Variants in NFE2L3 observed in about 807,000 individuals in gnomAD.
NFE2L3 encodes NFE2 like bZIP transcription factor 3.
Under a neutral mutation model 23.5 loss-of-function variants are expected in NFE2L3, and 18 were observed. That is an observed-to-expected ratio of 0.77 (90% CI 0.53 to 1.13). The LOEUF (loss-of-function observed/expected upper bound fraction) is 1.13. Among genes scored for constraint, NFE2L3 ranks in the 50% most tolerant of loss-of-function variants. The pLI, the probability that NFE2L3 is intolerant of heterozygous loss-of-function variation, is 0.00. For synonymous variants in NFE2L3, 424 were observed against 354.5 expected, an observed-to-expected ratio of 1.20 and a Z score of -2.20; for missense variants, 1,152 against 877.2, an observed-to-expected ratio of 1.31 and a Z score of -3.96.
rs146681213 is a variant in NFE2L3 at position 26,185,523 on chromosome 7, G to T, written c.1825G>T (p.Asp609Tyr). Residue 609 changes from aspartate to tyrosine, a missense_variant, in exon 4 of 4, where the codon GAT becomes TAT. Transcript: ENST00000056233. ...GGACATAATTTTGAATTTAGAAGAT[G>T]ATGTATGTAACTTGCAAGCAAAGAA... ...KLDIILNLED[D>Y]VCNLQAKKET... 6.2e-7 allele frequency: 1 copy of T among 1,613,908 alleles called. No individual in the cohort carries two copies. Among genetic ancestry groups the T allele is most frequent in the East Asian group, 2.2e-5 (1 of 44,876 alleles).
At chr7:26,157,130 A>C (rs1784093908) in intron 1 of NFE2L3, among the ~76,000 whole-genome samples, 1 of 152,120 alleles carries the variant, frequency 6.6e-6, no homozygotes, top group African/African-American at 2.4e-5. Flanking sequence ...AAAAAAGAAA[A>C]GAAACTGTTG....
Position 26,184,904 on chromosome 7 carries a change from C to G in NFE2L3, c.1206C>G (p.Asn402Lys), listed in dbSNP as rs377093268. The G allele has an allele frequency of 1.9e-6, 3 of 1,613,936 alleles. No individual in the cohort carries two copies. Among genetic ancestry groups the G allele is most frequent in the African/African-American group, 1.3e-5 (1 of 75,046 alleles). ...TAATGTCATTGGCCACAGAAGACAA[C>G]TTTGATCCAATCGATGTTTCTCAGC... ...INLMSLATEDNFDPIDVSQLF... is the reference protein window; with the variant it reads ...INLMSLATEDKFDPIDVSQLF... Residue 402 changes from asparagine to lysine, a missense_variant, in exon 4 of 4, where the codon AAC becomes AAG. Coordinates refer to ENST00000056233, the MANE Select transcript of NFE2L3 (RefSeq NM_004289.7).
chr7:26,162,819 C>T (rs1161258089), intron 1 of NFE2L3, among the ~76,000 whole-genome samples: 1 of 151,632 alleles, frequency 6.6e-6, no homozygotes, highest in Non-Finnish European at 1.5e-5. Flanking sequence ...CTCAGGTGAT[C>T]CTCCCACCTC....
intron 1 of NFE2L3, among the ~76,000 whole-genome samples, chr7:26,170,331 C>CTT (rs1433107011): frequency 6.6e-6 from 1 of 152,194 alleles, no homozygotes; most frequent in Non-Finnish European, 1.5e-5. Flanking sequence ...GGCAGGCACT[C>CTT]TAACATTTCG....
At chr7:26,159,949 CTTTTTTTT>C (rs59484170) in intron 1 of NFE2L3, among the ~76,000 whole-genome samples, 1 of 118,476 alleles carries the variant, frequency 8.4e-6, no homozygotes, top group Non-Finnish European at 1.8e-5. Flanking sequence ...AATCTTGTTG[CTTTTTTTT>C]TTTTTTTTTT....
In NFE2L3 at chr7:26,152,312, C is replaced by G. The variant is rs1480425295; in HGVS notation, c.-187C>G. ...CGGTGCCAGGCACGGTGCCGGCTGC[C>G]GAGGGAACGCCTTTGTGCCCGGTGC... On this transcript the variant is annotated 5_prime_UTR_variant, in exon 1 of 4. Coordinates refer to ENST00000056233, the MANE Select transcript of NFE2L3 (RefSeq NM_004289.7). This position sits in a 1 kb window ranked among gnomAD's most constrained non-coding sequence, Gnocchi z 4.4. The G allele has an allele frequency of 1.0e-5, 3 of 296,004 alleles. No homozygotes were observed. The highest frequency in any genetic ancestry group is 1.8e-5 in the Non-Finnish European group (3 of 168,208). 18.3% of individuals were successfully genotyped at this position (296,004 alleles called of 1,614,324 possible).
In NFE2L3 at chr7:26,181,341, G is replaced by GCTTTTAAAGCACCTA. The variant is rs1784505007; in HGVS notation, c.751-2350_751-2349insACCTACTTTTAAAGC. On this transcript the variant is annotated intron_variant, in intron 2 of 3. Coordinates refer to ENST00000056233, the MANE Select transcript of NFE2L3 (RefSeq NM_004289.7). ...TTTATTGGGCTATTACTTAGTAGGT[G>GCTTTTAAAGCACCTA]CTTTTAAAGCTTGTTGAAATAAAAC... Among the ~76,000 whole-genome samples, 3 of 152,222 alleles carry GCTTTTAAAGCACCTA rather than the reference G, an allele frequency of 2.0e-5. No individual in the cohort carries two copies. The South Asian group carries it at 6.2e-4, about 32-fold the overall frequency.
At chr7:26,163,390 A>C (rs1303056890) in intron 1 of NFE2L3, among the ~76,000 whole-genome samples, 1 of 152,184 alleles carries the variant, frequency 6.6e-6, no homozygotes, top group East Asian at 1.9e-4. Flanking sequence ...CTTGTTGCCC[A>C]GGCTGGGGTG....
chr7:26,156,875 G>T (rs570911878), intron 1 of NFE2L3, among the ~76,000 whole-genome samples: 11 of 151,988 alleles, frequency 7.2e-5, no homozygotes, highest in Admixed American at 2.0e-4. Context: ...CACTTTGGGA[G>T]GCCGAGGCAG....
rs1272708516 is a variant in NFE2L3 at position 26,166,746 on chromosome 7, A to G, written c.571-11197A>G. ...ACACAGTCTCTCTTTATCTGGCTCCATGTTTCTCTCTAGCCCTGATGACTC... is the reference window on the plus strand; with the variant it reads ...ACACAGTCTCTCTTTATCTGGCTCCGTGTTTCTCTCTAGCCCTGATGACTC... On this transcript the variant is annotated intron_variant, in intron 1 of 3. Coordinates refer to ENST00000056233, the MANE Select transcript of NFE2L3 (RefSeq NM_004289.7). Among the ~76,000 whole-genome samples, 5 of 152,204 alleles carry G rather than the reference A, an allele frequency of 3.3e-5. No homozygotes were observed. In the East Asian group the frequency reaches 9.6e-4, roughly 29 times the overall value.
intron 1 of NFE2L3, among the ~76,000 whole-genome samples, chr7:26,160,494 A>G (rs1784151138): frequency 6.6e-6 from 1 of 152,358 alleles, no homozygotes; most frequent in Non-Finnish European, 1.5e-5. Context: ...ACATATACAC[A>G]CAGATTTATT....
chr7:26,157,953 T>G (rs1784107990), intron 1 of NFE2L3, among the ~76,000 whole-genome samples: 1 of 152,252 alleles, frequency 6.6e-6, no homozygotes, highest in African/African-American at 2.4e-5. Context: ...TTCTTCTCCA[T>G]CACCTGAGCT....
chr7:26,183,849 T>TA, intron 3 of NFE2L3, 65 bp downstream of exon 3: 2 of 1,009,562 alleles, frequency 2.0e-6, no homozygotes, highest in Non-Finnish European at 1.6e-6. Context: ...GGTGAACAAA[T>TA]ACAACTCCTT....
chr7:26,157,066 C>A (rs948342761), intron 1 of NFE2L3, among the ~76,000 whole-genome samples: 2 of 151,752 alleles, frequency 1.3e-5, no homozygotes, highest in African/African-American at 2.4e-5. Flanking sequence ...GAGCCGAGAT[C>A]GCTCTACTGC....
rs1782488431 is a variant in NFE2L3 at position 26,186,390 on chromosome 7, C to T, written c.*607C>T. On this transcript the variant is annotated 3_prime_UTR_variant, in exon 4 of 4. Coordinates refer to ENST00000056233, the MANE Select transcript of NFE2L3 (RefSeq NM_004289.7). ...GAATATAGGTGAATAACAAATAAGG[C>T]AGCATAGCAAACTGCTCAGACTCAA... 6.6e-6 allele frequency: 1 copy of T among 152,148 alleles called. No individual in the cohort carries two copies. Among genetic ancestry groups the T allele is most frequent in the Admixed American group, 6.6e-5 (1 of 15,252 alleles). The allele number at this position is 152,148 out of a possible 1,614,324, so 9.4% of individuals were successfully genotyped here.
Position 26,178,098 on chromosome 7 carries a change from A to G in NFE2L3, c.726A>G (p.Glu242=). The change falls in exon 2 of 4, where the codon GAA becomes GAG. Residue 242 remains glutamate (E), a synonymous_variant. Coordinates refer to ENST00000056233, the MANE Select transcript of NFE2L3 (RefSeq NM_004289.7). ...KIAEKPDWEA[E]KTTESRNERH... ...CAGAGAAACCTGACTGGGAGGCAGAAAAGACCACTGAATCTAGAAATGAGG... is the reference window on the plus strand; with the variant it reads ...CAGAGAAACCTGACTGGGAGGCAGAGAAGACCACTGAATCTAGAAATGAGG... 6.2e-7 allele frequency: 1 copy of G among 1,613,788 alleles called. No individual in the cohort carries two copies. The highest frequency in any genetic ancestry group is 1.1e-5 in the South Asian group (1 of 90,942).
intron 1 of NFE2L3, among the ~76,000 whole-genome samples, chr7:26,169,927 G>A (rs374559222): frequency 3.3e-5 from 5 of 150,258 alleles, no homozygotes; most frequent in South Asian, 2.2e-4. Flanking sequence ...GCGAGACCCC[G>A]TCTCTACCAA....
At chr7:26,182,154 G>A (rs1430730783) in intron 2 of NFE2L3, among the ~76,000 whole-genome samples, 2 of 152,152 alleles carry the variant, frequency 1.3e-5, no homozygotes, top group South Asian at 2.1e-4. Flanking sequence ...GAAACAGAAC[G>A]TCAAGAACTA....
chr7:26,173,130 AT>A lies in NFE2L3; in HGVS notation c.571-4809del, dbSNP rs1344813836. Among the ~76,000 whole-genome samples the A allele has an allele frequency of 2.0e-5, 3 of 152,046 alleles. No individual in the cohort carries two copies. The South Asian group carries it at 6.2e-4, about 32-fold the overall frequency. On this transcript the variant is annotated intron_variant, in intron 1 of 3. Coordinates refer to ENST00000056233, the MANE Select transcript of NFE2L3 (RefSeq NM_004289.7). ...ATGATCCATTATTATATTATACCTAATTTTGGCTTCCTGTAGTGTGAATTTT... is the reference window on the plus strand; with the variant it reads ...ATGATCCATTATTATATTATACCTAATTTGGCTTCCTGTAGTGTGAATTTT...
Sources: allele counts gnomAD v4.1 joint callset (sites outside exome capture counted in the v4.1 genomes callset), GRCh38; gene constraint gnomAD v4.1.1; non-coding constraint Gnocchi (gnomAD v3.1); transcripts MANE v1.5; gene names NCBI Gene and HGNC (gene_info 2026-07-23, HGNC 2026-07-21).